PTK2: variants seen among roughly 807,000 people sequenced by gnomAD.
The protein encoded by PTK2 is protein tyrosine kinase 2.
PTK2 carries 45 observed loss-of-function variants against 150.1 expected under a neutral mutation model. That is an observed-to-expected ratio of 0.30 (90% CI 0.24 to 0.38). The LOEUF (loss-of-function observed/expected upper bound fraction) is 0.38, where lower values mean the gene tolerates loss of function less well. Ranked by LOEUF, PTK2 falls within the 10% of genes least tolerant of loss-of-function variation. PTK2 has a pLI of 1.00. For missense variants in PTK2, 919 were observed against 1,307.3 expected (o/e 0.70, Z 4.58); for synonymous variants, 432 against 449.2 (o/e 0.96, Z 0.48).
intron 15 of PTK2, 53 bp from the exon 18 acceptor site, chr8:140,762,441 A>G: frequency 1.0e-6 from 1 of 970,514 alleles, no homozygotes; most frequent in Non-Finnish European, 1.3e-6. Flanking sequence ...AGAAATAACT[A>G]ACAGCAATTA....
At chr8:140,779,240 C>T (rs1337143952) in intron 14 of PTK2, among the ~76,000 whole-genome samples, 2 of 120,918 alleles carry the variant, frequency 1.7e-5, no homozygotes, top group Admixed American at 9.8e-5. Flanking sequence ...CCAGCCTGGG[C>T]GATGGAAAAA....
At chr8:140,997,557 A>T (rs1448567761) in intron 1 of PTK2, among the ~76,000 whole-genome samples, 1 of 152,262 alleles carries the variant, frequency 6.6e-6, no homozygotes, top group Non-Finnish European at 1.5e-5. Context: ...CTGATTTGTC[A>T]GCAGCCATCA....
chr8:140,995,547 G>C (rs1397800180), intron 1 of PTK2, among the ~76,000 whole-genome samples: 1 of 152,084 alleles, frequency 6.6e-6, no homozygotes, highest in African/African-American at 2.4e-5. Flanking sequence ...GGTGATGCCT[G>C]TAATCCTAGC....
intron 14 of PTK2, among the ~76,000 whole-genome samples, chr8:140,785,736 C>T (rs1442908787): frequency 2.6e-5 from 4 of 152,158 alleles, no homozygotes; most frequent in Non-Finnish European, 5.9e-5. Flanking sequence ...GAGTTCCGAT[C>T]CTAGTGCCAT....
intron 16 of PTK2, 76 bp from the exon 20 acceptor site, chr8:140,752,392 C>A: frequency 7.4e-7 from 1 of 1,356,710 alleles, no homozygotes; most frequent in South Asian, 1.2e-5. Context: ...GAAAACCTGT[C>A]TGTTTTGCAA....
intron 26 of PTK2, among the ~76,000 whole-genome samples, chr8:140,699,570 C>G (rs1027892306): frequency 2.0e-5 from 3 of 152,212 alleles, no homozygotes; most frequent in Non-Finnish European, 4.4e-5. Context: ...AGGTTCACAT[C>G]AGTCATAAAT....
In PTK2 at chr8:140,764,890, C is replaced by G. The variant is rs1037083497; in HGVS notation, c.1178-600G>C. The G allele has an allele frequency of 3.3e-5, 5 of 151,914 alleles. No homozygotes were observed. The South Asian group carries it at 1.0e-3, about 32-fold the overall frequency. 9.4% of individuals were successfully genotyped at this position (151,914 alleles called of 1,614,324 possible). ...CATTAATGTCAAAAGGGCAGATCTA[C>G]AAAGAAAAAAAGGAGAATAAGCAGC... On this transcript the variant is annotated intron_variant, in intron 14 of 31. Transcript: ENST00000522684.
chr8:140,960,002 G>C (rs972199068), intron 1 of PTK2, among the ~76,000 whole-genome samples: 3 of 149,858 alleles, frequency 2.0e-5, no homozygotes, highest in Admixed American at 2.0e-4. Flanking sequence ...GGCAAACAGT[G>C]AGACTCTGTC....
chr8:140,716,946 C>T (rs1322428517), intron 23 of PTK2, among the ~76,000 whole-genome samples: 1 of 152,258 alleles, frequency 6.6e-6, no homozygotes, highest in East Asian at 1.9e-4. Flanking sequence ...GCTAAAACCC[C>T]CAGCCATGGC....
At chr8:140,694,330 C>T (rs769930245) in intron 26 of PTK2, among the ~76,000 whole-genome samples, 55 of 152,162 alleles carry the variant, frequency 3.6e-4, no homozygotes, top group African/African-American at 7.2e-4. Flanking sequence ...TGTGAGCCAC[C>T]GCACCCGGCC....
At position 140,723,242 on chromosome 8, in the gene PTK2, A is replaced by G. The variant is rs144249128; in HGVS notation, c.2031-5533T>C. Among the ~76,000 whole-genome samples, 685 of 152,362 alleles carry G rather than the reference A, an allele frequency of 4.5e-3. 4 individuals carry two copies. The highest frequency in any genetic ancestry group is 0.016 in the African/African-American group (648 of 41,582). On this transcript the variant is annotated intron_variant, in intron 22 of 31. Transcript: ENST00000522684. The stretch of plus-strand genomic sequence containing the variant: ...TGAATCTAATTTCTCTTGTAAGCTA[A>G]GTATCACTTGCATATTATAGACACT...
At chr8:140,972,119 T>C (rs780538201) in intron 1 of PTK2, among the ~76,000 whole-genome samples, 17 of 152,194 alleles carry the variant, frequency 1.1e-4, no homozygotes, top group African/African-American at 1.7e-4. Flanking sequence ...ACACTTGTAA[T>C]TGATGTTGAT....
At chr8:140,680,390 G>A (rs1013330521) in intron 27 of PTK2, among the ~76,000 whole-genome samples, 12 of 152,072 alleles carry the variant, frequency 7.9e-5, no homozygotes, top group African/African-American at 2.9e-4. Flanking sequence ...ACCACGCCCG[G>A]CTAACTTTTT....
intron 15 of PTK2, among the ~76,000 whole-genome samples, chr8:140,761,613 G>C (rs1241384533): frequency 2.0e-5 from 3 of 151,996 alleles, no homozygotes; most frequent in African/African-American, 7.2e-5. Flanking sequence ...AGAACTATTA[G>C]TTTAGGTATT....
intron 22 of PTK2, 71 bp from the exon 26 acceptor site, chr8:140,717,780 G>A: frequency 8.4e-7 from 1 of 1,188,854 alleles, no homozygotes; most frequent in Non-Finnish European, 1.3e-6. Context: ...CCCACCCTGA[G>A]TTATCTAAGG....
At chr8:140,659,729 TTC>T in intron 31 of PTK2, 51 bp from the exon 36 acceptor site, 1 of 1,532,128 alleles carries the variant, frequency 6.5e-7, no homozygotes, top group Non-Finnish European at 8.9e-7. Flanking sequence ...ATTTTTTTTT[TTC>T]TTTTTTAGAG....
At chr8:140,819,829 CTTAT>C (rs534874468) in intron 8 of PTK2, among the ~76,000 whole-genome samples, 140 of 152,164 alleles carry the variant, frequency 9.2e-4, no homozygotes, top group Admixed American at 1.3e-3. Flanking sequence ...TCCTTTTTCG[CTTAT>C]TTGAGTTTTC....
rs2100078979 is a variant in PTK2 at position 140,777,237 on chromosome 8, G to C, written c.1177+12237C>G. Among the ~76,000 whole-genome samples, 7 of 152,342 alleles carry C rather than the reference G, an allele frequency of 4.6e-5. No individual in the cohort carries two copies. In the South Asian group the frequency reaches 1.4e-3, roughly 32 times the overall value. ...GGTTCACAGTTCTGCCAGCTTCATG[G>C]AAAGCATGGTGCTGACATCTTTTTG... On this transcript the variant is annotated intron_variant, in intron 14 of 31. Transcript: ENST00000522684.
intron 1 of PTK2, chr8:140,983,902 C>T (rs531200357): frequency 1.3e-5 from 2 of 152,422 alleles, no homozygotes; most frequent in South Asian, 2.1e-4. Context: ...GGCCTGTAAT[C>T]CCAACACTTT....
Sources: allele counts gnomAD v4.1 joint callset (sites outside exome capture counted in the v4.1 genomes callset), GRCh38; gene constraint gnomAD v4.1.1; transcripts MANE v1.5; gene names NCBI Gene and HGNC (gene_info 2026-07-23, HGNC 2026-07-21).